SAXO1: variants seen among roughly 807,000 people sequenced by gnomAD.
SAXO1 encodes the protein 4930500O09Rik.
SAXO1 carries 21 observed loss-of-function variants against 17.5 expected under a neutral mutation model. That is an observed-to-expected ratio of 1.20 (90% CI 0.85 to 1.72). SAXO1 has a LOEUF of 1.72. Ranked by LOEUF, SAXO1 falls within the 40% of genes most tolerant of loss-of-function variation. The pLI is 0.00. For synonymous variants in SAXO1, 274 were observed against 216.5 expected (o/e 1.27, Z -2.33); for missense variants, 843 against 596.0 (o/e 1.41, Z -4.32).
chr9:18,951,731 T>C (rs1832047681), intron 1 of SAXO1, among the ~76,000 whole-genome samples: 2 of 152,222 alleles, frequency 1.3e-5, no homozygotes, highest in Admixed American at 1.3e-4. Context: ...GTTTGTTTAT[T>C]GTCTGTCTCA....
intron 1 of SAXO1, among the ~76,000 whole-genome samples, chr9:18,953,032 A>G (rs1360439742): frequency 2.0e-5 from 3 of 152,194 alleles, no homozygotes; most frequent in Non-Finnish European, 2.9e-5. Context: ...TGTGCTCACA[A>G]TCGGTCCGAC....
chr9:18,938,415 G>A (rs1831391565), intron 3 of SAXO1, among the ~76,000 whole-genome samples: 1 of 152,108 alleles, frequency 6.6e-6, no homozygotes, highest in African/African-American at 2.4e-5. Context: ...AGTGCAATAA[G>A]GCATCCTACA....
At chr9:19,019,220 T>C (rs1231148161) in intron 1 of SAXO1, among the ~76,000 whole-genome samples, 1 of 152,206 alleles carries the variant, frequency 6.6e-6, no homozygotes. Context: ...TGTAGAAGCC[T>C]TTCAAGTCCG....
intron 1 of SAXO1, among the ~76,000 whole-genome samples, chr9:18,981,806 G>C (rs1029219680): frequency 3.9e-5 from 6 of 152,156 alleles, no homozygotes; most frequent in African/African-American, 1.4e-4. Flanking sequence ...AAACAGAGGG[G>C]CTCAGCAACT....
intron 1 of SAXO1, among the ~76,000 whole-genome samples, chr9:19,028,578 CCTTA>C (rs1253630441): frequency 1.3e-5 from 2 of 152,204 alleles, no homozygotes; most frequent in Non-Finnish European, 2.9e-5. Context: ...TAGATGCTGA[CCTTA>C]CTGTTTCTGC....
rs115542744 is a variant in SAXO1, at chr9:18,972,824, C to T, written c.39-21887G>A. On this transcript the variant is annotated intron_variant, in intron 1 of 3. Coordinates refer to ENST00000380534, the MANE Select transcript of SAXO1 (RefSeq NM_153707.4). The stretch of plus-strand genomic sequence containing the variant: ...TCTTGTTCTCTTCTTGGTGCCCACA[C>T]TGCACTAAGCCTCGAGTCCTTCCGG... Among the ~76,000 whole-genome samples, 567 of 152,330 alleles carry T rather than the reference C, an allele frequency of 3.7e-3. 2 individuals are homozygous for T. The highest frequency in any genetic ancestry group is 0.013 in the African/African-American group (529 of 41,568).
chr9:18,963,383 A>G (rs2131766360), intron 1 of SAXO1, among the ~76,000 whole-genome samples: 1 of 152,306 alleles, frequency 6.6e-6, no homozygotes, highest in African/African-American at 2.4e-5. Context: ...GATTCTATAA[A>G]TTACTTTGGG....
chr9:19,007,974 T>G (rs1045797906), intron 1 of SAXO1, among the ~76,000 whole-genome samples: 5 of 111,738 alleles, frequency 4.5e-5, no homozygotes, highest in Non-Finnish European at 9.1e-5. Flanking sequence ...CTACCAGGTC[T>G]TTTTTTTTTT....
At chr9:18,934,621 T>C (rs1178712593) in intron 3 of SAXO1, among the ~76,000 whole-genome samples, 1 of 152,256 alleles carries the variant, frequency 6.6e-6, no homozygotes, top group African/African-American at 2.4e-5. Context: ...TTATAATAGC[T>C]ACTTTGAAAT....
chr9:19,024,106 T>G (rs927232099), intron 1 of SAXO1, among the ~76,000 whole-genome samples: 1 of 143,636 alleles, frequency 7.0e-6, no homozygotes, highest in African/African-American at 2.6e-5. Flanking sequence ...GGCTCTTTGC[T>G]GGCGAGTTCA....
intron 1 of SAXO1, among the ~76,000 whole-genome samples, chr9:19,017,820 T>C (rs1047422616): frequency 1.3e-5 from 2 of 152,144 alleles, no homozygotes; most frequent in Non-Finnish European, 2.9e-5. Flanking sequence ...ACAAAAACCT[T>C]AAATCCACAT....
intron 1 of SAXO1, among the ~76,000 whole-genome samples, chr9:18,969,234 C>T (rs960986736): frequency 1.3e-5 from 2 of 152,196 alleles, no homozygotes; most frequent in African/African-American, 2.4e-5. Flanking sequence ...GCAGAGCCAA[C>T]AACCAAAGGA....
chr9:18,944,092 C>A (rs546538521), intron 2 of SAXO1, among the ~76,000 whole-genome samples: 2 of 149,274 alleles, frequency 1.3e-5, no homozygotes, highest in Non-Finnish European at 3.0e-5. Flanking sequence ...AATTGGTTTC[C>A]CAAAGACAAA....
intron 1 of SAXO1, among the ~76,000 whole-genome samples, chr9:19,024,589 A>G (rs553188493): frequency 2.0e-5 from 3 of 152,252 alleles, no homozygotes; most frequent in South Asian, 2.1e-4. Context: ...AACTTAAAGT[A>G]TAATAATAAT....
chr9:19,022,775 A>G (rs1377723044), intron 1 of SAXO1, among the ~76,000 whole-genome samples: 1 of 152,204 alleles, frequency 6.6e-6, no homozygotes, highest in Non-Finnish European at 1.5e-5. Context: ...TTAGCAGCTA[A>G]TTTGACAGCC....
At chr9:18,950,730 T>G in intron 2 of SAXO1, 28 bp downstream of exon 2, 1 of 1,591,072 alleles carries the variant, frequency 6.3e-7, no homozygotes, top group Non-Finnish European at 8.6e-7. Context: ...TGTATGTACC[T>G]GCATACATTA....
At chr9:18,950,466 T>A (rs956206943) in intron 2 of SAXO1, among the ~76,000 whole-genome samples, 3 of 152,120 alleles carry the variant, frequency 2.0e-5, no homozygotes, top group Admixed American at 6.6e-5. Context: ...CCTTAAATAT[T>A]TTTCTTAACC....
chr9:18,950,725 G>A (rs2131728461), intron 2 of SAXO1, 33 bp downstream of exon 2: 2 of 1,580,762 alleles, frequency 1.3e-6, no homozygotes, highest in Non-Finnish European at 8.7e-7. Context: ...AGTGTTGTAT[G>A]TACCTGCATA....
At chr9:18,969,975 C>T (rs2209777) in intron 1 of SAXO1, among the ~76,000 whole-genome samples, 27,222 of 152,222 alleles carry the variant, frequency 0.18, 5,300 homozygotes, top group African/African-American at 0.49. Flanking sequence ...TCTGATTCCT[C>T]TCTGAGGAAA....
Sources: allele counts gnomAD v4.1 joint callset (sites outside exome capture counted in the v4.1 genomes callset), GRCh38; gene constraint gnomAD v4.1.1; transcripts MANE v1.5; gene names NCBI Gene and HGNC (gene_info 2026-07-23, HGNC 2026-07-21).